Variants in DNAH3 observed in about 807,000 individuals in gnomAD.
DNAH3 encodes the protein axonemal beta dynein heavy chain 3.
Under a neutral mutation model 432.5 loss-of-function variants are expected in DNAH3, and 332 were observed. The observed-to-expected ratio is 0.77, with a 90% confidence interval of 0.70 to 0.84. The LOEUF (loss-of-function observed/expected upper bound fraction) is 0.84, where lower values mean the gene tolerates loss of function less well. Ranked by LOEUF, DNAH3 falls within the 40% of genes least tolerant of loss-of-function variation. The pLI, the probability that DNAH3 is intolerant of heterozygous loss-of-function variation, is 0.00. For missense variants in DNAH3, 4,861 were observed against 5,114.0 expected (o/e 0.95, Z 1.51); for synonymous variants, 1,956 against 1,900.2 (o/e 1.03, Z -0.76).
chr16:20,984,915 G>A (rs996054703), intron 48 of DNAH3, among the ~76,000 whole-genome samples, 134 bp downstream of exon 48: 1 of 151,962 alleles, frequency 6.6e-6, no homozygotes, highest in Non-Finnish European at 1.5e-5. Context: ...GAGGAACTCC[G>A]GGCCCTGACC....
intron 10 of DNAH3, chr16:21,120,864 T>C: frequency 6.3e-7 from 1 of 1,596,272 alleles, no homozygotes; most frequent in Non-Finnish European, 8.6e-7. Context: ...GCTGTCCCCA[T>C]ACATAGTCAT....
At chr16:21,021,609 A>G (rs2088225740) in intron 40 of DNAH3, among the ~76,000 whole-genome samples, 1 of 152,118 alleles carries the variant, frequency 6.6e-6, no homozygotes, top group South Asian at 2.1e-4. Context: ...AGGTGGGAGC[A>G]GAAAAAATAG....
chr16:21,103,918 ATCTT>A (rs1293183206), intron 16 of DNAH3: 1 of 152,556 alleles, frequency 6.6e-6, no homozygotes, highest in Non-Finnish European at 1.5e-5. Flanking sequence ...CTGGATTAAA[ATCTT>A]TATTTAGCAG....
chr16:21,114,942 C>T (rs1367803300), intron 12 of DNAH3, among the ~76,000 whole-genome samples: 7 of 152,112 alleles, frequency 4.6e-5, no homozygotes, highest in Non-Finnish European at 1.0e-4. Context: ...CACATGCACA[C>T]GTATGTTTAT....
intron 4 of DNAH3, among the ~76,000 whole-genome samples, chr16:21,140,983 A>G (rs2092711087): frequency 6.6e-6 from 1 of 152,138 alleles, no homozygotes; most frequent in Non-Finnish European, 1.5e-5. Flanking sequence ...TACTAAAAAT[A>G]CAAAAATCAG....
At chr16:21,059,528 A>C (rs1339105399) in intron 26 of DNAH3, among the ~76,000 whole-genome samples, 2 of 152,164 alleles carry the variant, frequency 1.3e-5, no homozygotes, top group African/African-American at 4.8e-5. Context: ...TAATCCCAGC[A>C]CTTTGGGAGA....
intron 1 of DNAH3, among the ~76,000 whole-genome samples, chr16:21,153,637 G>A (rs1452564208): frequency 6.6e-6 from 1 of 152,112 alleles, no homozygotes; most frequent in Non-Finnish European, 1.5e-5. Flanking sequence ...AACACTCACG[G>A]TGAAGGTCTG....
exon 34 of DNAH3, chr16:21,037,974 G>A (rs2089255844): frequency 6.2e-7 from 1 of 1,613,888 alleles, no homozygotes; most frequent in Non-Finnish European, 8.5e-7. Context: ...CGATCTTCTG[G>A]GCGAGACTAG....
chr16:21,090,595 T>C (rs2356550), intron 18 of DNAH3, among the ~76,000 whole-genome samples: 15,487 of 152,104 alleles, frequency 0.1, 967 homozygotes, highest in Non-Finnish European at 0.14. Context: ...TGCAACAACA[T>C]GGATGGAACT....
chr16:20,949,732 T>C (rs72778696), intron 56 of DNAH3, among the ~76,000 whole-genome samples: 2,195 of 152,232 alleles, frequency 0.014, 34 homozygotes, highest in Middle Eastern at 0.048. Context: ...AAATGTAGAG[T>C]GGGCAAGAAA....
rs560598879 is a variant in DNAH3, at chr16:21,099,182, C to A, written c.2367-413G>T. Among the ~76,000 whole-genome samples the A allele has an allele frequency of 3.3e-5, 5 of 152,160 alleles. No individual in the cohort carries two copies. In the South Asian group the frequency reaches 6.2e-4, roughly 19 times the overall value. On this transcript the variant is annotated intron_variant, in intron 16 of 61. Transcript: ENST00000261383. The stretch of plus-strand genomic sequence containing the variant: ...TATTTGCGAAGTATGCTATTAAGTT[C>A]TCTACCTTCATGGAGCTTCTATTTT...
At chr16:21,145,368 T>C (rs149545921) in exon 3 of DNAH3, 8 of 1,614,044 alleles carry the variant, frequency 5.0e-6, no homozygotes, top group Non-Finnish European at 6.8e-6. Context: ...ATGACGTGCG[T>C]TGCATCAAGG....
intron 1 of DNAH3, among the ~76,000 whole-genome samples, chr16:21,151,847 T>G (rs1290734687): frequency 6.6e-6 from 1 of 151,978 alleles, no homozygotes; most frequent in East Asian, 1.9e-4. Context: ...ACTTAATGAG[T>G]TTTTTGGGGG....
chr16:21,139,378 G>C (rs1224693729), intron 5 of DNAH3, among the ~76,000 whole-genome samples: 1 of 112,812 alleles, frequency 8.9e-6, no homozygotes, highest in Non-Finnish European at 1.7e-5. Flanking sequence ...TGTTGCCCAG[G>C]CTGGAGTGCA....
exon 53 of DNAH3, chr16:20,964,481 C>T: frequency 6.2e-7 from 1 of 1,614,158 alleles, no homozygotes; most frequent in South Asian, 1.1e-5. Flanking sequence ...ATAGAAGCAT[C>T]CAGCTCTTCT....
intron 58 of DNAH3, among the ~76,000 whole-genome samples, chr16:20,943,690 A>T (rs1303065298): frequency 6.6e-6 from 1 of 152,152 alleles, no homozygotes; most frequent in Non-Finnish European, 1.5e-5. Context: ...AGAACTTAAC[A>T]ACTGTTAACG....
At chr16:21,075,600 G>T in intron 20 of DNAH3, 39 bp from the exon 21 acceptor site, 1 of 1,493,230 alleles carries the variant, frequency 6.7e-7, no homozygotes, top group Non-Finnish European at 9.3e-7. Flanking sequence ...TCAACAGGAG[G>T]CAGAGAAGAC....
intron 44 of DNAH3, among the ~76,000 whole-genome samples, chr16:20,992,970 A>G (rs935803044): frequency 1.1e-4 from 16 of 152,094 alleles, no homozygotes; most frequent in African/African-American, 3.6e-4. Context: ...GGTTCAAGCA[A>G]TTCTCATGTT....
chr16:21,036,283 A>G (rs2089163238), intron 35 of DNAH3, among the ~76,000 whole-genome samples: 1 of 152,158 alleles, frequency 6.6e-6, no homozygotes, highest in African/African-American at 2.4e-5. Flanking sequence ...CCAAGATTGC[A>G]CCACTGCACT....
Sources: gnomAD v4.1 joint callset for allele counts (sites outside exome capture counted in the v4.1 genomes callset) on GRCh38, gnomAD v4.1.1 for gene constraint, MANE v1.5 for transcripts, NCBI Gene and HGNC (gene_info 2026-07-23, HGNC 2026-07-21) for gene names.